Variants in USH2A observed in about 807,000 individuals in gnomAD.
The protein encoded by USH2A is usherin.
Under a neutral mutation model 538.9 loss-of-function variants are expected in USH2A, and 443 were observed. The observed-to-expected ratio is 0.82, with a 90% confidence interval of 0.76 to 0.89. The LOEUF (loss-of-function observed/expected upper bound fraction) is 0.89, where lower values mean the gene tolerates loss of function less well. USH2A is among the 40% of genes least tolerant of loss of function. The pLI is 0.00. For missense variants in USH2A, 6,633 were observed against 6,324.8 expected (o/e 1.05, Z -1.65); for synonymous variants, 2,413 against 2,273.5 (o/e 1.06, Z -1.75).
At chr1:215,682,727 T>C (rs1658278640) in intron 61 of USH2A, among the ~76,000 whole-genome samples, 1 of 146,174 alleles carries the variant, frequency 6.8e-6, no homozygotes, top group Non-Finnish European at 1.5e-5. Context: ...ACAACAGTTG[T>C]TTTGCTTAAC....
intron 56 of USH2A, among the ~76,000 whole-genome samples, chr1:215,766,477 G>A (rs1463437011): frequency 1.3e-5 from 2 of 152,068 alleles, no homozygotes; most frequent in Admixed American, 6.6e-5. Context: ...CTCTATAAAG[G>A]TTAAAGAATT....
At chr1:216,355,833 A>T (rs1451895734) in intron 4 of USH2A, among the ~76,000 whole-genome samples, 1 of 152,176 alleles carries the variant, frequency 6.6e-6, no homozygotes, top group Non-Finnish European at 1.5e-5. Context: ...AGCCAAAAAA[A>T]ATTAAATATG....
At chr1:215,710,561 C>T (rs1281242392) in intron 61 of USH2A, among the ~76,000 whole-genome samples, 2 of 152,096 alleles carry the variant, frequency 1.3e-5, no homozygotes, top group Non-Finnish European at 2.9e-5. Flanking sequence ...AGAGGGCGCT[C>T]TCCTCATGGA....
At chr1:215,861,565 T>A (rs575016121) in intron 44 of USH2A, among the ~76,000 whole-genome samples, 2 of 152,298 alleles carry the variant, frequency 1.3e-5, no homozygotes, top group Admixed American at 1.3e-4. Context: ...GACTGCATAG[T>A]TGAACCTGAG....
At chr1:215,805,212 C>G (rs1279752149) in intron 49 of USH2A, among the ~76,000 whole-genome samples, 1 of 151,844 alleles carries the variant, frequency 6.6e-6, no homozygotes, top group Non-Finnish European at 1.5e-5. Context: ...TGCAACATAC[C>G]AACATGGCAC....
intron 26 of USH2A, chr1:216,079,854 A>G (rs1448054767): frequency 1.3e-5 from 2 of 152,180 alleles, no homozygotes; most frequent in Non-Finnish European, 2.9e-5. Context: ...AGAAGACTCA[A>G]TCTTAGAAGT....
At chr1:215,632,811 G>GA (rs1480849662) in intron 70 of USH2A, among the ~76,000 whole-genome samples, 10 of 152,090 alleles carry the variant, frequency 6.6e-5, no homozygotes, top group Admixed American at 1.3e-4. Flanking sequence ...CTTTAACAAG[G>GA]AAAAATTTTG....
chr1:215,807,585 G>T (rs1662539148), intron 49 of USH2A, among the ~76,000 whole-genome samples: 1 of 152,058 alleles, frequency 6.6e-6, no homozygotes, highest in Non-Finnish European at 1.5e-5. Context: ...TTGCAAAATG[G>T]AAAGTCTTTT....
At chr1:215,866,982 A>G (rs377681123) in intron 44 of USH2A, 25 bp downstream of exon 44, 2 of 1,613,982 alleles carry the variant, frequency 1.2e-6, no homozygotes, top group East Asian at 2.2e-5. Context: ...CAAAGTGTTA[A>G]CACAGGTATG....
At chr1:216,415,307 T>C (rs1239127999) in intron 3 of USH2A, among the ~76,000 whole-genome samples, 1 of 152,044 alleles carries the variant, frequency 6.6e-6, no homozygotes, top group Non-Finnish European at 1.5e-5. Context: ...ATGACTCAGT[T>C]TGAGACGTCA....
At position 215,647,595 on chromosome 1, in the gene USH2A, C is replaced by T. The variant is rs144520489; in HGVS notation, c.14718G>A (p.Lys4906=). The change falls in exon 67 of 72, where the codon AAG becomes AAA. Residue 4906 remains lysine, a synonymous_variant. Transcript: ENST00000307340. ...CCTCGTTGTGTGCCACCACTCTCAGCTTGTATGTGGTGTAGGGCTGGAGAC... is the reference window on the plus strand; with the variant it reads ...CCTCGTTGTGTGCCACCACTCTCAGTTTGTATGTGGTGTAGGGCTGGAGAC... ...LGGLQPYTTY[K]LRVVAHNEVG... 6.2e-7 allele frequency: 1 copy of T among 1,614,140 alleles called. No homozygotes were observed. Among genetic ancestry groups the T allele is most frequent in the Non-Finnish European group, 8.5e-7 (1 of 1,180,022 alleles).
At chr1:215,844,132 A>G (rs888771992) in intron 46 of USH2A, among the ~76,000 whole-genome samples, 162 bp downstream of exon 46, 1 of 152,206 alleles carries the variant, frequency 6.6e-6, no homozygotes, top group African/African-American at 2.4e-5. Flanking sequence ...GTTTGCCTAC[A>G]GCACACAGAT....
chr1:215,649,017 G>A (rs1273881944), intron 65 of USH2A, among the ~76,000 whole-genome samples: 1 of 152,106 alleles, frequency 6.6e-6, no homozygotes, highest in East Asian at 1.9e-4. Context: ...GAAATCACAA[G>A]GCATAATATT....
intron 64 of USH2A, among the ~76,000 whole-genome samples, chr1:215,654,201 A>C (rs1321669277): frequency 1.3e-5 from 2 of 152,112 alleles, no homozygotes. Context: ...TTTAAGTTCT[A>C]GTGTACACGT....
chr1:216,267,316 C>G (rs2036492378), intron 11 of USH2A, among the ~76,000 whole-genome samples: 1 of 151,888 alleles, frequency 6.6e-6, no homozygotes, highest in Non-Finnish European at 1.5e-5. Context: ...AGAAAAGTTG[C>G]AAAGTAATGA....
rs149202379 is a variant in USH2A, at chr1:216,046,499, G to T, written c.6257C>A (p.Thr2086Asn). The stretch of plus-strand genomic sequence containing the variant: ...CCCATCCATGTATAAACAGTACTGA[G>T]TTATAATACCATTTGCCTTTTTGGG... ...NPPKKANGIITQYCLYMDGRL... is the reference protein window; with the variant it reads ...NPPKKANGIINQYCLYMDGRL... The change falls in exon 32 of 72, where the codon ACT (threonine) becomes AAT (asparagine). Residue 2086 changes from threonine to asparagine, a missense_variant. Coordinates refer to ENST00000307340, the MANE Select transcript of USH2A (RefSeq NM_206933.4). 3.3e-3 allele frequency: 5,290 copies of T among 1,613,864 alleles called. 15 individuals are homozygous for T. The highest frequency in any genetic ancestry group is 3.8e-3 in the Non-Finnish European group (4,483 of 1,179,826).
At chr1:215,880,428 T>G (rs906034034) in intron 41 of USH2A, among the ~76,000 whole-genome samples, 1 of 152,168 alleles carries the variant, frequency 6.6e-6, no homozygotes, top group Non-Finnish European at 1.5e-5. Context: ...CTACAGGGGA[T>G]GAAATCATTG....
intron 11 of USH2A, among the ~76,000 whole-genome samples, chr1:216,278,711 A>AT (rs1463404284): frequency 2.0e-5 from 3 of 152,078 alleles, no homozygotes; most frequent in South Asian, 4.1e-4. Flanking sequence ...TGCAATACTT[A>AT]TTTTTTCTAT....
chr1:216,228,190 A>T (rs2035597745), intron 14 of USH2A, among the ~76,000 whole-genome samples: 1 of 152,174 alleles, frequency 6.6e-6, no homozygotes, highest in South Asian at 2.1e-4. Flanking sequence ...TGAGAAATAG[A>T]GAAATTATAA....
Sources: allele counts gnomAD v4.1 joint callset (sites outside exome capture counted in the v4.1 genomes callset), GRCh38; gene constraint gnomAD v4.1.1; transcripts MANE v1.5; gene names NCBI Gene and HGNC (gene_info 2026-07-23, HGNC 2026-07-21).